Variants in PANX1 observed in about 807,000 individuals in gnomAD.
PANX1 encodes pannexin-1.
PANX1 carries 30 observed loss-of-function variants against 38.7 expected under a neutral mutation model. The ratio of observed to expected loss-of-function variants is 0.78; its 90% CI spans 0.58 to 1.05. The LOEUF is 1.05. PANX1 is among the 50% of genes least tolerant of loss of function. The pLI is 0.00. For missense variants in PANX1, 551 were observed against 517.2 expected, an observed-to-expected ratio of 1.07 and a Z score of -0.63; for synonymous variants, 230 against 212.2, an observed-to-expected ratio of 1.08 and a Z score of -0.73.
At chr11:94,172,924 C>T (rs539868023) in intron 2 of PANX1, among the ~76,000 whole-genome samples, 1 of 151,852 alleles carries the variant, frequency 6.6e-6, no homozygotes, top group East Asian at 1.9e-4. Flanking sequence ...GGGTTCCCTC[C>T]AGCTGCACTC....
intron 2 of PANX1, among the ~76,000 whole-genome samples, chr11:94,160,303 C>A (rs574869298): frequency 2.0e-5 from 3 of 152,028 alleles, no homozygotes; most frequent in Non-Finnish European, 2.9e-5. Context: ...TGTCTCGTTG[C>A]TCTGTCTAAT....
chr11:94,180,118 T>G lies in PANX1; in HGVS notation c.1062T>G (p.Ile354Met). 1 of 1,613,938 alleles carries G rather than the reference T, an allele frequency of 6.2e-7. No homozygotes were observed. Reference protein sequence around the residue: ...SYKCLKVLENIKSSGQGIDPM... With the variant: ...SYKCLKVLENMKSSGQGIDPM... ...AGTGTCTTAAGGTACTGGAGAATATTAAGAGCAGTGGTCAGGGGATCGACC... is the reference window on the plus strand; with the variant it reads ...AGTGTCTTAAGGTACTGGAGAATATGAAGAGCAGTGGTCAGGGGATCGACC... The change falls in exon 4 of 5, where the codon ATT (isoleucine) becomes ATG (methionine). Residue 354 changes from isoleucine to methionine, a missense_variant. By Grantham distance (10) the Ile-to-Met change is conservative (BLOSUM62 1). Transcript: ENST00000227638.
In PANX1 at chr11:94,171,705, G is replaced by A. The variant is rs1017153143; in HGVS notation, c.322-6664G>A. ...GTAATATTTAAGTCAGCACTGGTAT[G>A]ACACTGGTATGATCAATGGTGTCAT... is the stretch of plus-strand genomic sequence containing the variant. On this transcript the variant is annotated intron_variant, in intron 2 of 4. Transcript: ENST00000227638. Among the ~76,000 whole-genome samples, 4 of 151,604 alleles carry A rather than the reference G, an allele frequency of 2.6e-5. No homozygotes were observed. The East Asian group carries it at 7.7e-4, about 29-fold the overall frequency.
chr11:94,133,007 G>A (rs79107742), intron 1 of PANX1, among the ~76,000 whole-genome samples: 1,938 of 152,318 alleles, frequency 0.013, 35 homozygotes, highest in African/African-American at 0.044. Flanking sequence ...GCTTCCGTTT[G>A]GTCTTTGGCC....
chr11:94,153,598 G>C lies in PANX1; in HGVS notation c.289G>C (p.Glu97Gln), dbSNP rs745393925. ...AVQQKNSLQS[E>Q]SGNLPLWLHK... ...TCAGCAGAAGAACTCACTGCAGAGC[G>C]AGTCTGGAAACCTCCCACTGTGGCT... The change falls in exon 2 of 5, where the codon GAG becomes CAG. Residue 97 changes from glutamate to glutamine, a missense_variant. Coordinates refer to ENST00000227638, the MANE Select transcript of PANX1 (RefSeq NM_015368.4). 3 of 1,613,928 alleles carry C rather than the reference G, an allele frequency of 1.9e-6. No individual in the cohort carries two copies.
rs1360256377 is a variant in PANX1 at position 94,153,512 on chromosome 11, C to T, written c.203C>T (p.Ser68Phe). ...TTAGGTACACAGATAAGCTGTTTCT[C>T]TCCAAGTTCTTTCTCCTGGCGTCAG... ...ISIGTQISCF[S>F]PSSFSWRQAA... The change falls in exon 2 of 5, where the codon TCT (serine) becomes TTT (phenylalanine). Residue 68 changes from serine (S) to phenylalanine (F), a missense_variant. Transcript: ENST00000227638. The T allele has an allele frequency of 8.7e-6, 14 of 1,614,160 alleles. No individual in the cohort carries two copies. Among genetic ancestry groups the T allele is most frequent in the Non-Finnish European group, 1.2e-5 (14 of 1,180,010 alleles).
chr11:94,156,139 T>G (rs1314749822), intron 2 of PANX1, among the ~76,000 whole-genome samples: 2 of 152,150 alleles, frequency 1.3e-5, no homozygotes, highest in African/African-American at 4.8e-5. Flanking sequence ...TCCAGATGTA[T>G]TTTACATTTA....
intron 1 of PANX1, among the ~76,000 whole-genome samples, chr11:94,137,695 G>T (rs997240118): frequency 7.3e-5 from 11 of 150,518 alleles, no homozygotes; most frequent in Non-Finnish European, 1.5e-4. Flanking sequence ...GGGAGGGGAC[G>T]CTGTTGTTTT....
chr11:94,141,098 G>A (rs1310622642), intron 1 of PANX1, among the ~76,000 whole-genome samples: 1 of 152,148 alleles, frequency 6.6e-6, no homozygotes. Context: ...TTAATGTCGT[G>A]AACCTCCTGA....
In PANX1 at chr11:94,160,036, T is replaced by C. The variant is rs1462970535; in HGVS notation, c.321+6406T>C. The stretch of plus-strand genomic sequence containing the variant: ...GTTCAGTTTCCATGTAGTTGAGCAG[T>C]TTTGAGTCAGTTTCTTAATCCTGAA... On this transcript the variant is annotated intron_variant, in intron 2 of 4. Transcript: ENST00000227638. 3.3e-5 allele frequency among the ~76,000 whole-genome samples: 5 copies of C among 152,116 alleles called. No homozygotes were observed. In the East Asian group the frequency reaches 9.6e-4, roughly 29 times the overall value.
Position 94,179,997 on chromosome 11 carries a change from C to CT in PANX1, c.945dup (p.Asp316Ter). On this transcript the variant is annotated frameshift_variant, in exon 4 of 5. Coordinates refer to ENST00000227638, the MANE Select transcript of PANX1 (RefSeq NM_015368.4). LOFTEE classifies it high-confidence loss of function. ...CTCAAAGTGTACGAAATCCTCCCCACTTTTGATGTTCTGCATTTCAAATCT... is the reference window on the plus strand; with the variant it reads ...CTCAAAGTGTACGAAATCCTCCCCACTTTTTGATGTTCTGCATTTCAAATCT... 1 of 1,595,684 alleles carries CT rather than the reference C, an allele frequency of 6.3e-7. No homozygotes were observed. Among genetic ancestry groups the CT allele is most frequent in the Non-Finnish European group, 8.6e-7 (1 of 1,167,954 alleles).
intron 2 of PANX1, 36 bp downstream of exon 2, chr11:94,153,666 TTTA>T (rs1194239882): frequency 6.3e-7 from 1 of 1,599,058 alleles, no homozygotes; most frequent in Non-Finnish European, 8.5e-7. Flanking sequence ...ACCTGTTTGC[TTTA>T]TAGATAAGGA....
intron 1 of PANX1, among the ~76,000 whole-genome samples, chr11:94,131,124 T>TC (rs1200317668): frequency 6.6e-6 from 1 of 151,992 alleles, no homozygotes; most frequent in Non-Finnish European, 1.5e-5. Context: ...GGTGCTGACC[T>TC]CCAAGGACCC....
In PANX1 at chr11:94,129,390, G is replaced by A. The variant is rs1421830808; in HGVS notation, c.78G>A (p.Lys26=). The stretch of plus-strand genomic sequence containing the variant: ...AGGAGCCCACGGAGCCCAAGTTCAA[G>A]GGGCTGCGACTGGAGCTGGCTGTGG... The part of the protein sequence containing the change: ...LLKEPTEPKF[K]GLRLELAVDK... Residue 26 remains lysine, a synonymous_variant, in exon 1 of 5, where the codon AAG becomes AAA. Transcript: ENST00000227638. The A allele has an allele frequency of 1.2e-6, 2 of 1,613,938 alleles. No individual in the cohort carries two copies. The highest frequency in any genetic ancestry group is 1.1e-5 in the South Asian group (1 of 91,064).
chr11:94,130,797 A>G (rs904135824), intron 1 of PANX1, among the ~76,000 whole-genome samples: 6 of 152,106 alleles, frequency 3.9e-5, no homozygotes, highest in Non-Finnish European at 7.4e-5. Flanking sequence ...GGGTGAGTGG[A>G]GTGTGGTGTT....
At chr11:94,178,797 T>C (rs772172628) in intron 3 of PANX1, among the ~76,000 whole-genome samples, 11 of 152,164 alleles carry the variant, frequency 7.2e-5, no homozygotes, top group Non-Finnish European at 1.6e-4. Flanking sequence ...TACCCATTTG[T>C]TTATCCTTCT....
chr11:94,159,920 A>T (rs902910321), intron 2 of PANX1, among the ~76,000 whole-genome samples: 1 of 151,424 alleles, frequency 6.6e-6, no homozygotes, highest in Non-Finnish European at 1.5e-5. Flanking sequence ...AGATTCTGGT[A>T]TGTTGTGTCT....
chr11:94,129,589 G>T, intron 1 of PANX1, 96 bp downstream of exon 1: 2 of 1,128,210 alleles, frequency 1.8e-6, no homozygotes, highest in Non-Finnish European at 2.5e-6. Flanking sequence ...GGTACGCCCA[G>T]CTGTGATGGT....
intron 2 of PANX1, among the ~76,000 whole-genome samples, chr11:94,173,708 C>G (rs368606789): frequency 1.3e-5 from 2 of 151,668 alleles, no homozygotes; most frequent in South Asian, 2.1e-4. Context: ...CCTGGTCTCT[C>G]TCCTTCCCAT....
Sources: allele counts gnomAD v4.1 joint callset (sites outside exome capture counted in the v4.1 genomes callset), GRCh38; gene constraint gnomAD v4.1.1; transcripts MANE v1.5; gene names NCBI Gene and HGNC (gene_info 2026-07-23, HGNC 2026-07-21).